The following LRP1B variants were observed in gnomAD, a reference collection of about 807,000 sequenced individuals.
The protein encoded by LRP1B is LDL receptor related protein 1B, also known as low-density lipoprotein receptor-related protein 1B.
Under a neutral mutation model 556.6 loss-of-function variants are expected in LRP1B, and 217 were observed. The observed-to-expected ratio is 0.39, with a 90% CI of 0.35 to 0.44. LRP1B has a LOEUF of 0.44. Ranked by LOEUF, LRP1B falls within the 20% of genes least tolerant of loss-of-function variation. LRP1B has a pLI of 1.00. For missense variants in LRP1B, 5,053 were observed against 5,620.8 expected (o/e 0.90, Z 3.23); for synonymous variants, 2,047 against 1,865.8 (o/e 1.10, Z -2.50).
At position 141,570,481 on chromosome 2, in the gene LRP1B, A is replaced by AT. The variant is rs572943390; in HGVS notation, c.206-89949dup. On this transcript the variant is annotated intron_variant, in intron 2 of 90. Coordinates refer to ENST00000389484, the MANE Select transcript of LRP1B (RefSeq NM_018557.3). Reference sequence around the variant, plus strand: ...AGTGTCCCAACCTTGGATGGCACAGATTATTTTACAGCCTCTCAGCTGGAA... The same window carrying AT: ...AGTGTCCCAACCTTGGATGGCACAGATTTATTTTACAGCCTCTCAGCTGGAA... Among the ~76,000 whole-genome samples the AT allele has an allele frequency of 2.0e-3, 301 of 151,368 alleles. 3 individuals carry two copies. The highest frequency in any genetic ancestry group is 6.9e-3 in the African/African-American group (287 of 41,520).
chr2:141,143,233 T>C (rs1207603682), intron 7 of LRP1B, among the ~76,000 whole-genome samples: 1 of 152,104 alleles, frequency 6.6e-6, no homozygotes, highest in East Asian at 1.9e-4. Flanking sequence ...CCAGAGATCA[T>C]CTGATTCTTT....
chr2:142,082,204 T>A (rs1456325032), intron 1 of LRP1B, among the ~76,000 whole-genome samples: 1 of 152,170 alleles, frequency 6.6e-6, no homozygotes, highest in Non-Finnish European at 1.5e-5. Context: ...TACTAAAATT[T>A]CTCTACTACA....
intron 3 of LRP1B, among the ~76,000 whole-genome samples, chr2:141,471,268 A>ATTTT (rs1553518974): frequency 7.2e-4 from 23 of 31,878 alleles, no homozygotes; most frequent in African/African-American, 1.7e-3. Context: ...ATACCCTGGT[A>ATTTT]TTTTTTTTTT....
At chr2:141,521,984 T>C (rs1298749890) in intron 2 of LRP1B, among the ~76,000 whole-genome samples, 1 of 152,150 alleles carries the variant, frequency 6.6e-6, no homozygotes, top group Admixed American at 6.6e-5. Context: ...TAAATTCTTT[T>C]TCTTGCTTAA....
In LRP1B at chr2:141,146,404, A is replaced by G. The variant is rs1314173533; in HGVS notation, c.1013+42017T>C. On this transcript the variant is annotated intron_variant, in intron 7 of 90. Transcript: ENST00000389484. ...AGTGAAAGCACATTATATTGAAATA[A>G]TTAGTGGAAAGCAGTTTTTAATACA... Among the ~76,000 whole-genome samples the G allele has an allele frequency of 2.0e-5, 3 of 152,216 alleles. No homozygotes were observed. In the East Asian group the frequency reaches 5.8e-4, roughly 29 times the overall value.
chr2:140,734,745 G>A (rs1230644516), intron 35 of LRP1B, among the ~76,000 whole-genome samples: 2 of 107,556 alleles, frequency 1.9e-5, no homozygotes, highest in Non-Finnish European at 4.2e-5. Flanking sequence ...ATGACTGTGT[G>A]AAGCAGATAC....
intron 84 of LRP1B, among the ~76,000 whole-genome samples, chr2:140,286,706 T>G (rs1683166336): frequency 6.6e-6 from 1 of 152,008 alleles, no homozygotes; most frequent in South Asian, 2.1e-4. Context: ...ATTTTAGAAA[T>G]TATGAAGTGA....
chr2:140,921,496 C>G (rs1326647526), intron 21 of LRP1B, among the ~76,000 whole-genome samples: 1 of 151,808 alleles, frequency 6.6e-6, no homozygotes, highest in Non-Finnish European at 1.5e-5. Flanking sequence ...ATTAGAATTC[C>G]CCTATTAAAT....
chr2:141,662,718 C>G (rs140878120), intron 2 of LRP1B, among the ~76,000 whole-genome samples: 124 of 152,028 alleles, frequency 8.2e-4, no homozygotes, highest in Non-Finnish European at 6.6e-4. Flanking sequence ...TAGACTCCCA[C>G]ACAATAATAG....
chr2:141,117,645 A>C (rs1046929260), intron 7 of LRP1B, among the ~76,000 whole-genome samples: 7 of 152,038 alleles, frequency 4.6e-5, no homozygotes, highest in African/African-American at 1.7e-4. Context: ...TAAATAATAC[A>C]ACATTTTAAA....
At chr2:141,072,324 T>C (rs1351877060) in intron 7 of LRP1B, among the ~76,000 whole-genome samples, 3 of 152,222 alleles carry the variant, frequency 2.0e-5, no homozygotes, top group Non-Finnish European at 4.4e-5. Flanking sequence ...TTATTTTTAT[T>C]TCGGTACCCA....
rs1227147545 is a variant in LRP1B at position 142,112,749 on chromosome 2, G to A, written c.82+17899C>T. On this transcript the variant is annotated intron_variant, in intron 1 of 90. Transcript: ENST00000389484. ...ATCTTCTACTCTTCGAATTGGTTCT[G>A]ATGTGCTCAGTACAAGACTCTATAG... 3.3e-5 allele frequency among the ~76,000 whole-genome samples: 5 copies of A among 152,142 alleles called. No homozygotes were observed. In the East Asian group the frequency reaches 7.7e-4, roughly 24 times the overall value.
Position 140,270,944 on chromosome 2 carries a change from A to G in LRP1B, c.13143-598T>C, listed in dbSNP as rs528601240. Among the ~76,000 whole-genome samples, 4 of 152,098 alleles carry G rather than the reference A, an allele frequency of 2.6e-5. No homozygotes were observed. In the East Asian group the frequency reaches 7.8e-4, roughly 29 times the overall value. On this transcript the variant is annotated intron_variant, in intron 85 of 90. Coordinates refer to ENST00000389484, the MANE Select transcript of LRP1B (RefSeq NM_018557.3). ...AAAAAATCATGGAGTAGTTCATAAA[A>G]AAACAGTTATGTTATAGGAACAATG...
intron 2 of LRP1B, among the ~76,000 whole-genome samples, chr2:141,663,920 C>CA (rs796406816): frequency 0.26 from 29,079 of 112,976 alleles, 3,414 homozygotes; most frequent in African/African-American, 0.35. Context: ...AGAGATACAT[C>CA]AAAAAAAAAA....
chr2:140,325,945 T>C, intron 79 of LRP1B, 67 bp from the exon 80 acceptor site: 1 of 986,272 alleles, frequency 1.0e-6, no homozygotes, highest in South Asian at 1.4e-5. Flanking sequence ...ATCATACTTT[T>C]GCTTCTTATT....
chr2:141,825,500 C>G (rs140506955), intron 1 of LRP1B, among the ~76,000 whole-genome samples: 2 of 152,242 alleles, frequency 1.3e-5, no homozygotes, highest in African/African-American at 2.4e-5. Flanking sequence ...GATAGTGAGA[C>G]AGTGATTTTC....
chr2:141,479,823 T>A (rs1682851821), intron 3 of LRP1B, among the ~76,000 whole-genome samples: 1 of 152,200 alleles, frequency 6.6e-6, no homozygotes. Context: ...TAGATTTTAA[T>A]TATTATCCCT....
At chr2:140,569,949 A>C (rs1289164714) in intron 43 of LRP1B, among the ~76,000 whole-genome samples, 1 of 151,896 alleles carries the variant, frequency 6.6e-6, no homozygotes, top group Admixed American at 6.6e-5. Flanking sequence ...GGTTAATAAA[A>C]AAATTAAGAA....
intron 27 of LRP1B, among the ~76,000 whole-genome samples, chr2:140,858,301 A>G (rs1051964301): frequency 6.6e-6 from 1 of 151,990 alleles, no homozygotes; most frequent in African/African-American, 2.4e-5. Context: ...TTAAAATAGG[A>G]TACATGTTAG....
Sources: gnomAD v4.1 joint callset for allele counts (sites outside exome capture counted in the v4.1 genomes callset) on GRCh38, gnomAD v4.1.1 for gene constraint, MANE v1.5 for transcripts, NCBI Gene and HGNC (gene_info 2026-07-23, HGNC 2026-07-21) for gene names.